PDE4B: variants seen among roughly 807,000 people sequenced by gnomAD.
PDE4B encodes phosphodiesterase 4B.
Under a neutral mutation model 82.2 loss-of-function variants are expected in PDE4B, and 20 were observed. The observed-to-expected ratio is 0.24, with a 90% CI of 0.17 to 0.35. The LOEUF (loss-of-function observed/expected upper bound fraction) is 0.35. Ranked by LOEUF, PDE4B falls within the 10% of genes least tolerant of loss-of-function variation. The probability of loss-of-function intolerance (pLI) is 1.00; values close to 1 mark genes in which losing one functional copy is unlikely to be tolerated. For synonymous variants in PDE4B, 320 were observed against 318.9 expected, an observed-to-expected ratio of 1.00 and a Z score of -0.04; for missense variants, 655 against 907.2, an observed-to-expected ratio of 0.72 and a Z score of 3.57.
intron 3 of PDE4B, among the ~76,000 whole-genome samples, chr1:65,951,335 G>A (rs1425426994): frequency 6.6e-6 from 1 of 152,036 alleles, no homozygotes; most frequent in East Asian, 1.9e-4. Context: ...TCTGAAAAGG[G>A]GATGAGAGAA....
At chr1:66,036,373 G>A (rs779366722) in intron 3 of PDE4B, among the ~76,000 whole-genome samples, 1 of 151,848 alleles carries the variant, frequency 6.6e-6, no homozygotes, top group Non-Finnish European at 1.5e-5. Flanking sequence ...TGTGCTTTTG[G>A]GGTCATATCC....
intron 1 of PDE4B, among the ~76,000 whole-genome samples, chr1:65,858,938 T>C (rs1202517106): frequency 6.6e-6 from 1 of 152,146 alleles, no homozygotes; most frequent in Non-Finnish European, 1.5e-5. Flanking sequence ...GAGGGAGCCC[T>C]TTACTTCCAT....
intron 3 of PDE4B, among the ~76,000 whole-genome samples, chr1:66,087,266 A>G (rs910466639): frequency 6.6e-6 from 1 of 152,144 alleles, no homozygotes; most frequent in Non-Finnish European, 1.5e-5. Flanking sequence ...AATGATCTGG[A>G]ACAGTCCAGA....
chr1:65,935,255 C>T (rs1331823030), intron 3 of PDE4B, among the ~76,000 whole-genome samples: 1 of 151,810 alleles, frequency 6.6e-6, no homozygotes, highest in Non-Finnish European at 1.5e-5. Context: ...CTCCCGATAT[C>T]CTAGTATTCT....
intron 8 of PDE4B, among the ~76,000 whole-genome samples, chr1:66,338,366 A>G (rs1660681282): frequency 1.1e-5 from 1 of 89,286 alleles, no homozygotes; most frequent in Non-Finnish European, 2.1e-5. Context: ...TGTTCTTTCA[A>G]CTGTGGCAAG....
intron 1 of PDE4B, among the ~76,000 whole-genome samples, chr1:65,810,959 G>A (rs1645812651): frequency 6.6e-6 from 1 of 152,142 alleles, no homozygotes; most frequent in Non-Finnish European, 1.5e-5. Flanking sequence ...TGGGCCAGAT[G>A]ATTCCCTGTT....
chr1:65,822,552 G>C (rs77905592), intron 1 of PDE4B, among the ~76,000 whole-genome samples: 2,614 of 152,194 alleles, frequency 0.017, 83 homozygotes, highest in African/African-American at 0.06. Flanking sequence ...TTGCATGTTA[G>C]AACTTAAACC....
intron 1 of PDE4B, among the ~76,000 whole-genome samples, chr1:65,814,185 T>C (rs764438645): frequency 6.6e-6 from 1 of 152,198 alleles, no homozygotes; most frequent in Non-Finnish European, 1.5e-5. Flanking sequence ...TGCTGGTTGA[T>C]GGAAACAGCT....
intron 1 of PDE4B, among the ~76,000 whole-genome samples, chr1:65,826,414 A>G (rs370831517): frequency 2.4e-4 from 37 of 152,206 alleles, no homozygotes; most frequent in African/African-American, 8.4e-4. Flanking sequence ...CCCTGGGACC[A>G]TAATATTTAA....
intron 7 of PDE4B, among the ~76,000 whole-genome samples, chr1:66,286,824 T>C (rs1213496741): frequency 6.6e-6 from 1 of 152,112 alleles, no homozygotes; most frequent in African/African-American, 2.4e-5. Context: ...AAAGAGAATA[T>C]TCTGAATACC....
chr1:65,868,933 C>G (rs538276076), intron 1 of PDE4B, among the ~76,000 whole-genome samples: 1 of 152,294 alleles, frequency 6.6e-6, no homozygotes, highest in African/African-American at 2.4e-5. Context: ...CTCCCACCAC[C>G]CCGTCTGTGG....
Position 65,913,149 on chromosome 1 carries a change from T to G in PDE4B, c.-70-96T>G. 5 of 565,406 alleles carry G rather than the reference T, an allele frequency of 8.8e-6. No individual in the cohort carries two copies. In the South Asian group the frequency reaches 1.3e-4, roughly 15 times the overall value. The allele number at this position is 565,406 out of a possible 1,614,324, so 35.0% of individuals were successfully genotyped here. A position where few individuals can be genotyped will look rare whatever the true frequency, so the allele number is the denominator to read the frequency against. ...TATGATGTTTGCTTTTACATGTACA[T>G]TGTACATATTTCAAATGTTAATTTA... is the stretch of plus-strand genomic sequence containing the variant. On this transcript the variant is annotated intron_variant, in intron 1 of 16. Transcript: ENST00000341517.
intron 3 of PDE4B, among the ~76,000 whole-genome samples, chr1:66,189,756 T>G (rs1254343913): frequency 6.6e-6 from 1 of 152,194 alleles, no homozygotes; most frequent in East Asian, 1.9e-4. Flanking sequence ...TCAAGGTTTT[T>G]AACTTCATTG....
rs1307267561 is a variant in PDE4B at position 65,793,186 on chromosome 1, C to T, written c.-133C>T. On this transcript the variant is annotated 5_prime_UTR_variant, in exon 1 of 17. Transcript: ENST00000341517. ...GCCCCGGCGTCCAGAGCGCTGCGGC[C>T]GCGGCGGTGCAGCAGAGGCGCCTCG... is the stretch of plus-strand genomic sequence containing the variant. 1 of 152,276 alleles carries T rather than the reference C, an allele frequency of 6.6e-6. No homozygotes were observed. Among genetic ancestry groups the T allele is most frequent in the African/African-American group, 2.4e-5 (1 of 41,458 alleles). The allele number at this position is 152,276 out of a possible 1,614,324, so 9.4% of individuals were successfully genotyped here.
rs1042244797 is a variant in PDE4B, at chr1:65,869,273, A to G, written c.-70-43972A>G. 2.6e-5 allele frequency among the ~76,000 whole-genome samples: 4 copies of G among 152,238 alleles called. 1 individual carries two copies. Among genetic ancestry groups the G allele is most frequent in the Non-Finnish European group, 4.4e-5 (3 of 68,038 alleles). Reference sequence around the variant, plus strand: ...TTATCCATTCTGTGTCCTTGTTTCCATATTTGTAAAATGAAATAAAGGATA... The same window carrying G: ...TTATCCATTCTGTGTCCTTGTTTCCGTATTTGTAAAATGAAATAAAGGATA... On this transcript the variant is annotated intron_variant, in intron 1 of 16. Transcript: ENST00000341517.
chr1:66,135,924 T>C (rs75984008), intron 3 of PDE4B, among the ~76,000 whole-genome samples: 3,733 of 152,226 alleles, frequency 0.025, 172 homozygotes, highest in African/African-American at 0.084. Flanking sequence ...GGAGGAAAAA[T>C]TGGGCCATGA....
At chr1:66,247,315 T>C in intron 3 of PDE4B, 145 bp from the exon 4 acceptor site, 1 of 502,606 alleles carries the variant, frequency 2.0e-6, no homozygotes. Context: ...CTAAGCTGTG[T>C]TGAGGATGAA....
chr1:66,083,687 A>G (rs920510635), intron 3 of PDE4B, among the ~76,000 whole-genome samples: 2 of 152,112 alleles, frequency 1.3e-5, no homozygotes, highest in African/African-American at 4.8e-5. Flanking sequence ...CATTCTATCA[A>G]TACAAAAACC....
intron 3 of PDE4B, among the ~76,000 whole-genome samples, chr1:66,239,213 CT>C (rs1421050184): frequency 7.2e-5 from 11 of 152,124 alleles, no homozygotes; most frequent in Admixed American, 1.3e-4. Context: ...CTTATGATAA[CT>C]TTAAAAAATG....
Sources: gnomAD v4.1 joint callset for allele counts (sites outside exome capture counted in the v4.1 genomes callset) on GRCh38, gnomAD v4.1.1 for gene constraint, MANE v1.5 for transcripts, NCBI Gene and HGNC (gene_info 2026-07-23, HGNC 2026-07-21) for gene names.